IL6R: variants seen among roughly 807,000 people sequenced by gnomAD.
The protein encoded by IL6R is interleukin-6 receptor subunit alpha.
A neutral mutation model predicts 48.3 loss-of-function variants in IL6R; 38 were observed. That is an observed-to-expected ratio of 0.79 (90% CI 0.61 to 1.03). IL6R has a LOEUF of 1.03. IL6R is among the 50% of genes least tolerant of loss of function. IL6R has a pLI of 0.00. For synonymous variants in IL6R, 264 were observed against 256.2 expected (o/e 1.03, Z -0.29); for missense variants, 534 against 618.3 (o/e 0.86, Z 1.45).
At chr1:154,447,130 C>A (rs1467547003) in intron 6 of IL6R, among the ~76,000 whole-genome samples, 3 of 150,752 alleles carry the variant, frequency 2.0e-5, no homozygotes, top group South Asian at 2.1e-4. Flanking sequence ...CGGAGCGAGA[C>A]CCTGTCTCAA....
intron 9 of IL6R, among the ~76,000 whole-genome samples, chr1:154,455,730 G>T (rs1048004729): frequency 6.6e-6 from 1 of 151,188 alleles, no homozygotes; most frequent in Non-Finnish European, 1.5e-5. Flanking sequence ...GGGATTACAG[G>T]CGTGAGCCAC....
chr1:154,427,150 C>T (rs1219631962), intron 1 of IL6R, among the ~76,000 whole-genome samples: 1 of 152,138 alleles, frequency 6.6e-6, no homozygotes, highest in Non-Finnish European at 1.5e-5. Flanking sequence ...GATCTCTTGA[C>T]TTGTGATCCG....
At chr1:154,439,267 T>A (rs1302417766) in intron 6 of IL6R, among the ~76,000 whole-genome samples, 3 of 152,234 alleles carry the variant, frequency 2.0e-5, no homozygotes, top group Non-Finnish European at 4.4e-5. Flanking sequence ...TAAAGTTTCT[T>A]CTAAAAATTT....
chr1:154,413,096 G>A (rs1688128780), intron 1 of IL6R, among the ~76,000 whole-genome samples: 1 of 151,956 alleles, frequency 6.6e-6, no homozygotes. Context: ...CTGCCTCCCG[G>A]GTTCAAGCAA....
intron 1 of IL6R, among the ~76,000 whole-genome samples, chr1:154,406,798 C>G (rs1558293813): frequency 6.6e-6 from 1 of 152,106 alleles, no homozygotes; most frequent in Non-Finnish European, 1.5e-5. Flanking sequence ...GGTTGTGGTC[C>G]TTATGATTGG....
At chr1:154,450,865 T>A (rs1690545527) in intron 8 of IL6R, among the ~76,000 whole-genome samples, 1 of 152,238 alleles carries the variant, frequency 6.6e-6, no homozygotes, top group South Asian at 2.1e-4. Context: ...CCTGCACTGA[T>A]GCTGGCTGCC....
rs2149282378 is a variant in IL6R, at chr1:154,467,154, C to T, written c.*1774C>T. On this transcript the variant is annotated 3_prime_UTR_variant, in exon 10 of 10. Coordinates refer to ENST00000368485, the MANE Select transcript of IL6R (RefSeq NM_000565.4). Reference sequence around the variant, plus strand: ...AAAAAAATCCCATTTAAAAAAAATCCCTTACCTCGGTGCCTTCCTCTTTTT... The same window carrying T: ...AAAAAAATCCCATTTAAAAAAAATCTCTTACCTCGGTGCCTTCCTCTTTTT... 1 of 152,232 alleles carries T rather than the reference C, an allele frequency of 6.6e-6. No homozygotes were observed. Among genetic ancestry groups the T allele is most frequent in the African/African-American group, 2.4e-5 (1 of 41,520 alleles). 9.4% of individuals were successfully genotyped at this position (152,232 alleles called of 1,614,324 possible). A position where few individuals can be genotyped will look rare whatever the true frequency, so the allele number is the denominator to read the frequency against.
At position 154,465,362 on chromosome 1, in the gene IL6R, C is replaced by T. The variant is rs1691506010; in HGVS notation, c.1389C>T (p.Asp463=). Residue 463 remains aspartate, a synonymous_variant, in exon 10 of 10, where the codon GAC becomes GAT. Transcript: ENST00000368485. ...PRSPYDISNT[D]YFFPR ...GCCCTTATGACATCAGCAATACAGACTACTTCTTCCCCAGATAGCTGGCTG... is the reference window on the plus strand; with the variant it reads ...GCCCTTATGACATCAGCAATACAGATTACTTCTTCCCCAGATAGCTGGCTG... 1.2e-6 allele frequency: 2 copies of T among 1,614,064 alleles called. No homozygotes were observed. Among genetic ancestry groups the T allele is most frequent in the Admixed American group, 3.3e-5 (2 of 60,002 alleles).
chr1:154,428,122 A>G (rs1176295190), intron 1 of IL6R, among the ~76,000 whole-genome samples: 6 of 152,206 alleles, frequency 3.9e-5, no homozygotes, highest in African/African-American at 7.2e-5. Flanking sequence ...AATGAGTCCA[A>G]GGTGGTTGGG....
chr1:154,435,190 G>C, intron 5 of IL6R, 34 bp downstream of exon 5: 12 of 1,597,958 alleles, frequency 7.5e-6, no homozygotes, highest in Non-Finnish European at 1.0e-5. Context: ...TCAGAGAGGC[G>C]CCCCTAGATG....
intron 6 of IL6R, chr1:154,444,981 C>T (rs991276840): frequency 1.5e-5 from 6 of 413,740 alleles, no homozygotes; most frequent in Non-Finnish European, 2.4e-5. Flanking sequence ...AAATGAGGGG[C>T]GCTTTTGGCA....
chr1:154,464,054 C>T lies in IL6R; in HGVS notation c.1161-1080C>T, dbSNP rs112385961. Among the ~76,000 whole-genome samples, 1,057 of 152,232 alleles carry T rather than the reference C, an allele frequency of 6.9e-3. 13 individuals are homozygous for T. Among genetic ancestry groups the T allele is most frequent in the African/African-American group, 0.024 (996 of 41,544 alleles). ...GGACCCTTTTCCTGCTATTACATGG[C>T]GGTTGCAAATTATCTGCCTCCTGCC... On this transcript the variant is annotated intron_variant, in intron 9 of 9. Transcript: ENST00000368485.
chr1:154,461,515 C>T (rs549377895), intron 9 of IL6R, among the ~76,000 whole-genome samples: 65 of 152,328 alleles, frequency 4.3e-4, no homozygotes, highest in African/African-American at 1.3e-3. Context: ...TCACTTCTCC[C>T]AATGTCCCTT....
intron 8 of IL6R, among the ~76,000 whole-genome samples, chr1:154,450,414 G>A (rs913493058): frequency 2.0e-5 from 3 of 152,090 alleles, no homozygotes; most frequent in African/African-American, 7.2e-5. Flanking sequence ...ATGAGCCACC[G>A]TGCCTGGCCA....
chr1:154,431,798 C>A (rs1394591568), intron 3 of IL6R, among the ~76,000 whole-genome samples: 1 of 152,120 alleles, frequency 6.6e-6, no homozygotes, highest in Non-Finnish European at 1.5e-5. Flanking sequence ...GATGTCAGGA[C>A]GAGTGATGGG....
intron 9 of IL6R, among the ~76,000 whole-genome samples, chr1:154,459,200 G>C (rs1275002382): frequency 6.6e-6 from 1 of 152,208 alleles, no homozygotes; most frequent in Non-Finnish European, 1.5e-5. Flanking sequence ...GGAGCATTAG[G>C]TTGGGAACAG....
At chr1:154,463,632 G>A (rs909233098) in intron 9 of IL6R, among the ~76,000 whole-genome samples, 3 of 152,216 alleles carry the variant, frequency 2.0e-5, no homozygotes, top group Non-Finnish European at 4.4e-5. Context: ...GTCACAAAGT[G>A]GGAAGCAAGA....
intron 3 of IL6R, among the ~76,000 whole-genome samples, chr1:154,432,580 A>T (rs1689357290): frequency 6.6e-6 from 1 of 152,014 alleles, no homozygotes; most frequent in South Asian, 2.1e-4. Context: ...CTGGTCTCGA[A>T]CTTCTGACCT....
intron 1 of IL6R, among the ~76,000 whole-genome samples, chr1:154,417,169 T>C (rs1197869212): frequency 2.0e-5 from 3 of 152,156 alleles, no homozygotes; most frequent in Non-Finnish European, 4.4e-5. Context: ...TCTGAGACTG[T>C]GCTCAGAGAT....
Sources: gnomAD v4.1 joint callset for allele counts (sites outside exome capture counted in the v4.1 genomes callset) on GRCh38, gnomAD v4.1.1 for gene constraint, MANE v1.5 for transcripts, NCBI Gene and HGNC (gene_info 2026-07-23, HGNC 2026-07-21) for gene names.